Variants in HUNK observed in about 807,000 individuals in gnomAD.
The protein encoded by HUNK is hormonally up-regulated neu tumor-associated kinase.
Under a neutral mutation model 61.0 loss-of-function variants are expected in HUNK, and 21 were observed. That is an observed-to-expected ratio of 0.34 (90% CI 0.24 to 0.50). The LOEUF is 0.50. Among genes scored for constraint, HUNK ranks in the 20% least tolerant of loss-of-function variants. The pLI is 0.98. For missense variants in HUNK, 772 were observed against 945.7 expected (o/e 0.82, Z 2.41); for synonymous variants, 371 against 386.1 (o/e 0.96, Z 0.46).
chr21:31,978,800 A>G (rs533543019), intron 7 of HUNK, among the ~76,000 whole-genome samples: 54 of 152,290 alleles, frequency 3.5e-4, no homozygotes, highest in Admixed American at 7.8e-4. Context: ...GTGGGGGTGC[A>G]TATGTGTCTT....
chr21:31,941,312 T>TC (rs1326461091), intron 3 of HUNK, among the ~76,000 whole-genome samples: 1 of 151,822 alleles, frequency 6.6e-6, no homozygotes, highest in East Asian at 1.9e-4. Flanking sequence ...TCTCTCTCTT[T>TC]TTTTTTTTTC....
chr21:31,999,261 C>T lies in HUNK; in HGVS notation c.*77C>T. ...CTCCACACATCTGTCAGGGTGTGAG[C>T]ACTCCAAGGCCTCGCGTGGAGCATC... On this transcript the variant is annotated 3_prime_UTR_variant, in exon 11 of 11. Coordinates refer to ENST00000270112, the MANE Select transcript of HUNK (RefSeq NM_014586.2). The T allele has an allele frequency of 2.3e-6, 3 of 1,320,098 alleles. No homozygotes were observed. The South Asian group carries it at 4.2e-5, about 19-fold the overall frequency. 81.8% of individuals were successfully genotyped at this position (1,320,098 alleles called of 1,614,324 possible).
intron 6 of HUNK, 55 bp from the exon 7 acceptor site, chr21:31,974,500 T>A: frequency 6.5e-7 from 1 of 1,539,676 alleles, no homozygotes; most frequent in Non-Finnish European, 8.8e-7. Context: ...GGGGTCTGTG[T>A]GGGGCTCTCC....
In HUNK at chr21:31,998,842, G is replaced by C; in HGVS notation, c.1803G>C (p.Pro601=). The change falls in exon 11 of 11, where the codon CCG becomes CCC. Residue 601 remains proline, a synonymous_variant. Transcript: ENST00000270112. Reference sequence around the variant, plus strand: ...ATTCCAGCGAGAGGACGCTGTCCCCGGGTCTGCCATCCGGAAGCATGTCGC... The same window carrying C: ...ATTCCAGCGAGAGGACGCTGTCCCCCGGTCTGCCATCCGGAAGCATGTCGC... ...RRNSSERTLS[P]GLPSGSMSPL... is the part of the protein sequence containing the mutation. The C allele has an allele frequency of 6.2e-7, 1 of 1,614,110 alleles. No individual in the cohort carries two copies. The highest frequency in any genetic ancestry group is 8.5e-7 in the Non-Finnish European group (1 of 1,180,030).
In HUNK at chr21:31,974,714, AG is replaced by A. The variant is rs1165922775; in HGVS notation, c.1173+1del. On this transcript the variant is annotated frameshift_variant and splice_region_variant, in exon 7 of 11. Transcript: ENST00000270112. LOFTEE classifies it high-confidence loss of function. ...ACAAGAAACTGGAGCGCTATTTGTC[AG>A]GGGTAAGTGCGACCCTAGAGGCGAT... ...LNKKLERYLS[G>X]KSDIQDSLCY... The A allele has an allele frequency of 6.2e-7, 1 of 1,613,080 alleles. No homozygotes were observed.
chr21:31,906,332 A>T (rs1024646006), intron 1 of HUNK, among the ~76,000 whole-genome samples: 1 of 152,228 alleles, frequency 6.6e-6, no homozygotes, highest in African/African-American at 2.4e-5. Flanking sequence ...TTTAATTCTC[A>T]TTACAAATGT....
intron 1 of HUNK, among the ~76,000 whole-genome samples, chr21:31,880,682 A>G (rs1297653842): frequency 6.6e-6 from 1 of 152,164 alleles, no homozygotes; most frequent in Non-Finnish European, 1.5e-5. Context: ...CCCTATTTTC[A>G]AAGAAGATCA....
intron 4 of HUNK, among the ~76,000 whole-genome samples, chr21:31,957,277 T>G (rs2052895990): frequency 6.6e-6 from 1 of 152,224 alleles, no homozygotes; most frequent in African/African-American, 2.4e-5. Context: ...GCACCTATAG[T>G]CTTGCCTGGG....
intron 1 of HUNK, among the ~76,000 whole-genome samples, chr21:31,875,375 T>G (rs1448352985): frequency 2.6e-5 from 4 of 152,110 alleles, no homozygotes; most frequent in African/African-American, 9.7e-5. Context: ...CTACAGCCGT[T>G]TTGAGTGAGG....
chr21:31,973,784 G>A (rs1045183550), intron 6 of HUNK, among the ~76,000 whole-genome samples: 3 of 152,120 alleles, frequency 2.0e-5, no homozygotes, highest in Non-Finnish European at 4.4e-5. Flanking sequence ...CCTACTCATA[G>A]GACTATCAGG....
intron 1 of HUNK, among the ~76,000 whole-genome samples, chr21:31,908,764 A>T (rs1025307456): frequency 6.6e-6 from 1 of 152,046 alleles, no homozygotes; most frequent in South Asian, 2.1e-4. Context: ...GTTGTTGCGG[A>T]GTTACACTCT....
rs2053258851 is a variant in HUNK, at chr21:32,003,400, C to T, written c.*4216C>T. 6.6e-6 allele frequency: 1 copy of T among 152,102 alleles called. No homozygotes were observed. The allele number at this position is 152,102 out of a possible 1,614,324, so 9.4% of individuals were successfully genotyped here. On this transcript the variant is annotated 3_prime_UTR_variant, in exon 11 of 11. Transcript: ENST00000270112. ...GGTATTAAGAGGCTATTGGGTTTTA[C>T]TAGATTAAATCAATAAAACATTTCC...
chr21:31,940,133 T>C (rs1250958329), intron 2 of HUNK, 32 bp from the exon 3 acceptor site: 1 of 1,540,134 alleles, frequency 6.5e-7, no homozygotes, highest in African/African-American at 1.4e-5. Flanking sequence ...CGAATGCTTA[T>C]CTGAAATGCT....
chr21:31,998,863 G>T lies in HUNK; in HGVS notation c.1824G>T (p.Met608Ile). ...CCCCGGGTCTGCCATCCGGAAGCAT[G>T]TCGCCTCTCCATACTCCTTTGCATC... ...TLSPGLPSGSMSPLHTPLHPT... is the reference protein window; with the variant it reads ...TLSPGLPSGSISPLHTPLHPT... Residue 608 changes from methionine to isoleucine, a missense_variant, in exon 11 of 11, where the codon ATG (methionine) becomes ATT (isoleucine). Physicochemically the swap from Met to Ile is conservative, Grantham distance 10. Transcript: ENST00000270112. 6.2e-7 allele frequency: 1 copy of T among 1,614,194 alleles called. No homozygotes were observed. The highest frequency in any genetic ancestry group is 1.1e-5 in the South Asian group (1 of 91,090).
chr21:32,001,198 C>T lies in HUNK; in HGVS notation c.*2014C>T, dbSNP rs3787696. 0.62 allele frequency: 95,097 copies of T among 152,190 alleles called. 29,750 individuals carry two copies. Among genetic ancestry groups the T allele is most frequent in the South Asian group, 0.72 (3,462 of 4,800 alleles). 9.4% of individuals were successfully genotyped at this position (152,190 alleles called of 1,614,324 possible). The stretch of plus-strand genomic sequence containing the variant: ...GACTGAGGTGGGAGGATCACTTGAA[C>T]CTAGGAGGTCGAGGCTGCAGTGAGC... On this transcript the variant is annotated 3_prime_UTR_variant, in exon 11 of 11. Coordinates refer to ENST00000270112, the MANE Select transcript of HUNK (RefSeq NM_014586.2).
chr21:31,902,038 C>T (rs574843252), intron 1 of HUNK, among the ~76,000 whole-genome samples: 2 of 152,240 alleles, frequency 1.3e-5, no homozygotes, highest in Admixed American at 6.5e-5. Flanking sequence ...GTGTAGACCA[C>T]AGTCATGAAG....
chr21:31,967,794 C>A (rs1461789943), intron 5 of HUNK, among the ~76,000 whole-genome samples: 1 of 152,156 alleles, frequency 6.6e-6, no homozygotes, highest in Non-Finnish European at 1.5e-5. Flanking sequence ...CAAAAACCTA[C>A]CTTGCGAGCA....
intron 5 of HUNK, among the ~76,000 whole-genome samples, chr21:31,965,955 G>C (rs1031444655): frequency 3.3e-5 from 5 of 152,086 alleles, no homozygotes; most frequent in Non-Finnish European, 4.4e-5. Context: ...GTGGTGTTTG[G>C]TTACATGGAT....
chr21:31,875,201 C>G (rs2052251505), intron 1 of HUNK, among the ~76,000 whole-genome samples: 1 of 152,220 alleles, frequency 6.6e-6, no homozygotes, highest in Non-Finnish European at 1.5e-5. Context: ...CAGCCTGGGG[C>G]TGCCCTGTGA....
Sources: gnomAD v4.1 joint callset for allele counts (sites outside exome capture counted in the v4.1 genomes callset) on GRCh38, gnomAD v4.1.1 for gene constraint, MANE v1.5 for transcripts, NCBI Gene and HGNC (gene_info 2026-07-23, HGNC 2026-07-21) for gene names.